ERCC6L2: variants seen among roughly 807,000 people sequenced by gnomAD.
The protein encoded by ERCC6L2 is ERCC excision repair 6 like 2, also known as DNA excision repair protein ERCC-6-like 2.
A neutral mutation model predicts 132.0 loss-of-function variants in ERCC6L2; 77 were observed. The ratio of observed to expected loss-of-function variants is 0.58; its 90% CI spans 0.49 to 0.71. ERCC6L2 has a LOEUF of 0.71. Ranked by LOEUF, ERCC6L2 falls within the 30% of genes least tolerant of loss-of-function variation. The pLI is 0.00. For synonymous variants in ERCC6L2, 583 were observed against 632.4 expected (o/e 0.92, Z 1.17); for missense variants, 1,542 against 1,837.6 (o/e 0.84, Z 2.94).
intron 16 of ERCC6L2, among the ~76,000 whole-genome samples, chr9:95,974,507 A>G (rs142019707): frequency 6.6e-6 from 1 of 152,246 alleles, no homozygotes; most frequent in Non-Finnish European, 1.5e-5. Flanking sequence ...GCATGCTGCT[A>G]GTCATTTTGG....
chr9:95,903,248 A>G (rs755671561), intron 3 of ERCC6L2, among the ~76,000 whole-genome samples: 2 of 152,034 alleles, frequency 1.3e-5, no homozygotes, highest in Non-Finnish European at 2.9e-5. Context: ...TTGAAGGGCC[A>G]CTTTGGTGTA....
At position 95,917,850 on chromosome 9, in the gene ERCC6L2, G is replaced by A. The variant is rs188111193; in HGVS notation, c.1158+1416G>A. 3.2e-3 allele frequency among the ~76,000 whole-genome samples: 486 copies of A among 152,202 alleles called. 2 individuals carry two copies. The highest frequency in any genetic ancestry group is 0.011 in the African/African-American group (465 of 41,532). Reference sequence around the variant, plus strand: ...ATGATAATAGTGCCTGCCTCACATGGTTACTCTGAAATGCATGACACATAA... The same window carrying A: ...ATGATAATAGTGCCTGCCTCACATGATTACTCTGAAATGCATGACACATAA... On this transcript the variant is annotated intron_variant, in intron 6 of 18. Transcript: ENST00000653738.
At chr9:96,002,168 C>T (rs1430177892) in intron 17 of ERCC6L2, among the ~76,000 whole-genome samples, 2 of 152,210 alleles carry the variant, frequency 1.3e-5, no homozygotes, top group Non-Finnish European at 2.9e-5. Context: ...GGGGCTCCCA[C>T]AGTGCAGTGG....
In ERCC6L2 at chr9:95,978,203, T is replaced by G. The variant is rs150957564; in HGVS notation, c.3480T>G (p.Val1160=). 1 of 1,365,336 alleles carries G rather than the reference T, an allele frequency of 7.3e-7. No individual in the cohort carries two copies. The highest frequency in any genetic ancestry group is 1.1e-5 in the South Asian group (1 of 87,700). 84.6% of individuals were successfully genotyped at this position (1,365,336 alleles called of 1,614,324 possible). The part of the protein sequence containing the change: ...QFSQLPANIA[V]CSSKTYKEKV... ...CTCAGCTGCCTGCTAACATAGCTGTTTGCAGTTCTAAGGTAAGAAAAATAT... is the reference window on the plus strand; with the variant it reads ...CTCAGCTGCCTGCTAACATAGCTGTGTGCAGTTCTAAGGTAAGAAAAATAT... Residue 1160 remains valine, a synonymous_variant, in exon 17 of 19, where the codon GTT becomes GTG. Coordinates refer to ENST00000653738, the MANE Select transcript of ERCC6L2 (RefSeq NM_020207.7).
At chr9:95,956,444 T>G (rs1490278002) in intron 13 of ERCC6L2, among the ~76,000 whole-genome samples, 2 of 152,180 alleles carry the variant, frequency 1.3e-5, no homozygotes, top group Admixed American at 6.6e-5. Context: ...TGCACTGATA[T>G]GTTGGTCCCA....
intron 2 of ERCC6L2, among the ~76,000 whole-genome samples, chr9:95,886,667 G>T (rs1446554906): frequency 6.6e-6 from 1 of 152,194 alleles, no homozygotes; most frequent in Non-Finnish European, 1.5e-5. Context: ...GAGCCAATAT[G>T]AATATAAATG....
intron 9 of ERCC6L2, among the ~76,000 whole-genome samples, chr9:95,924,955 C>T (rs995517614): frequency 6.6e-6 from 1 of 152,140 alleles, no homozygotes; most frequent in Non-Finnish European, 1.5e-5. Flanking sequence ...ATTTGACTAA[C>T]AGCATCATCT....
rs145585209 is a variant in ERCC6L2, at chr9:96,012,289, A to G, written c.3739A>G (p.Ile1247Val). ...TTCTGTAAACGAATTTGCTAAACAT[A>G]TAACCAATGCCACATCAGAAGAACG... ...SSSVNEFAKH[I>V]TNATSEERQK... is the part of the protein sequence containing the mutation. Residue 1247 changes from isoleucine to valine, a missense_variant, in exon 19 of 19, where the codon ATA becomes GTA. Ile to Val is a conservative substitution (Grantham distance 29, BLOSUM62 3). This residue lies in a region of ERCC6L2 where 442 missense variants were observed against 583.4 expected (regional missense o/e 0.76). Transcript: ENST00000653738. The G allele has an allele frequency of 7.4e-7, 1 of 1,344,716 alleles. No homozygotes were observed. The highest frequency in any genetic ancestry group is 1.5e-5 in the African/African-American group (1 of 67,378). The allele number at this position is 1,344,716 out of a possible 1,614,324, so 83.3% of individuals were successfully genotyped here.
At position 96,018,009 on chromosome 9, in the gene ERCC6L2, T is replaced by C. The variant is rs1834217394; in HGVS notation, c.*4806T>C. Among the ~76,000 whole-genome samples, 1 of 152,196 alleles carries C rather than the reference T, an allele frequency of 6.6e-6. No homozygotes were observed. The highest frequency in any genetic ancestry group is 1.5e-5 in the Non-Finnish European group (1 of 68,032). On this transcript the variant is annotated 3_prime_UTR_variant, in exon 19 of 19. Transcript: ENST00000653738. ...ACACAGAAGGACAAATACTGTATGATTCCACTTATATAAAGTACCTAGATT... is the reference window on the plus strand; with the variant it reads ...ACACAGAAGGACAAATACTGTATGACTCCACTTATATAAAGTACCTAGATT...
intron 17 of ERCC6L2, among the ~76,000 whole-genome samples, chr9:95,989,585 A>G (rs1310168646): frequency 1.3e-5 from 2 of 152,252 alleles, no homozygotes; most frequent in Non-Finnish European, 2.9e-5. Context: ...TCTGGATTAG[A>G]GAAGTGTGAT....
At chr9:96,011,347 G>A (rs1370570257) in intron 18 of ERCC6L2, among the ~76,000 whole-genome samples, 1 of 152,074 alleles carries the variant, frequency 6.6e-6, no homozygotes, top group Admixed American at 6.5e-5. Flanking sequence ...TTGGATCAGG[G>A]TCCCACCCGT....
At chr9:95,885,925 T>A (rs1219497376) in intron 2 of ERCC6L2, among the ~76,000 whole-genome samples, 1 of 152,224 alleles carries the variant, frequency 6.6e-6, no homozygotes, top group Non-Finnish European at 1.5e-5. Flanking sequence ...GGTGTGTTTT[T>A]CAGAGGGTTA....
At chr9:95,968,789 C>A (rs991661350) in intron 14 of ERCC6L2, 2 of 152,072 alleles carry the variant, frequency 1.3e-5, no homozygotes, top group African/African-American at 4.8e-5. Flanking sequence ...AGGTACTGTT[C>A]ATAGAGCTTT....
chr9:95,882,056 C>T (rs1260176417), intron 2 of ERCC6L2, among the ~76,000 whole-genome samples: 2 of 152,144 alleles, frequency 1.3e-5, no homozygotes, highest in African/African-American at 4.8e-5. Context: ...CTTGTGGGTT[C>T]TTGGCCTCAG....
At chr9:96,002,092 G>T (rs113578860) in intron 17 of ERCC6L2, among the ~76,000 whole-genome samples, 1 of 152,198 alleles carries the variant, frequency 6.6e-6, no homozygotes, top group Admixed American at 6.5e-5. Context: ...GTTCCCGCGC[G>T]TGCCTCTCCC....
chr9:95,924,628 TA>T (rs1282220058), intron 9 of ERCC6L2, among the ~76,000 whole-genome samples: 1 of 152,146 alleles, frequency 6.6e-6, no homozygotes, highest in African/African-American at 2.4e-5. Context: ...GACTCTTCAC[TA>T]AAAAATTGCC....
intron 4 of ERCC6L2, among the ~76,000 whole-genome samples, chr9:95,910,948 C>G (rs544511926): frequency 2.0e-5 from 3 of 152,292 alleles, no homozygotes; most frequent in East Asian, 3.9e-4. Flanking sequence ...GAGCCTTGCT[C>G]TGTTGCCCAG....
At chr9:95,941,636 C>A in intron 12 of ERCC6L2, 87 bp downstream of exon 12, 7 of 950,058 alleles carry the variant, frequency 7.4e-6, no homozygotes, top group Non-Finnish European at 9.9e-6. Flanking sequence ...TATACTATGA[C>A]TATGATTAGA....
In ERCC6L2 at chr9:96,038,853, CA is replaced by C. The variant is rs777578813; in HGVS notation, c.*1504-21del. 8.8e-4 allele frequency: 400 copies of C among 456,278 alleles called. 1 individual carries two copies. Among genetic ancestry groups the C allele is most frequent in the Non-Finnish European group, 1.0e-3 (238 of 226,958 alleles). 28.3% of individuals were successfully genotyped at this position (456,278 alleles called of 1,614,324 possible). On this transcript the variant is annotated intron_variant and NMD_transcript_variant, in intron 19 of 20. Transcript: ENST00000670016. ...AATGAACAAAATGTAGCAGCAGTAACAATGTGTGACTTCTGATTCCAGGTCA... is the reference window on the plus strand; with the variant it reads ...AATGAACAAAATGTAGCAGCAGTAACATGTGTGACTTCTGATTCCAGGTCA...
Sources: gnomAD v4.1 joint callset for allele counts (sites outside exome capture counted in the v4.1 genomes callset) on GRCh38, gnomAD v4.1.1 for gene constraint, gnomAD v4.1.1 regional missense constraint, MANE v1.5 for transcripts, NCBI Gene and HGNC (gene_info 2026-07-23, HGNC 2026-07-21) for gene names.